The following MLXIPL variants were observed in gnomAD, a reference collection of about 807,000 sequenced individuals.
MLXIPL encodes the protein MLX interacting protein like, also known as carbohydrate-responsive element-binding protein.
In MLXIPL, 49 loss-of-function variants were observed where a neutral mutation model predicts 81.5. The ratio of observed to expected loss-of-function variants is 0.60; its 90% CI spans 0.48 to 0.76. The LOEUF is 0.76. MLXIPL is among the 30% of genes least tolerant of loss of function. The pLI, the probability that MLXIPL is intolerant of heterozygous loss-of-function variation, is 0.00. For synonymous variants in MLXIPL, 466 were observed against 485.5 expected, an observed-to-expected ratio of 0.96 and a Z score of 0.53; for missense variants, 1,053 against 1,167.0, an observed-to-expected ratio of 0.90 and a Z score of 1.42.
intron 6 of MLXIPL, 55 bp from the exon 7 acceptor site, chr7:73,605,823 C>T: frequency 6.3e-7 from 1 of 1,591,704 alleles, no homozygotes; most frequent in East Asian, 2.3e-5. Flanking sequence ...GCAGGGTCCC[C>T]ACCCCCATCC....
upstream of MLXIPL, among the ~76,000 whole-genome samples, chr7:73,625,234 C>T (rs575676689): frequency 6.6e-5 from 10 of 152,200 alleles, no homozygotes; most frequent in African/African-American, 2.2e-4. Flanking sequence ...GCCTCAGGAC[C>T]TGGGGTTTGT....
chr7:73,617,966 C>A (rs969031601), intron 1 of MLXIPL, among the ~76,000 whole-genome samples: 3 of 152,178 alleles, frequency 2.0e-5, no homozygotes, highest in African/African-American at 7.2e-5. Flanking sequence ...GGGTCTTAGA[C>A]CCCCTGCTAG....
intron 7 of MLXIPL, among the ~76,000 whole-genome samples, chr7:73,600,428 G>C (rs1228050838): frequency 3.7e-5 from 2 of 53,952 alleles, no homozygotes; most frequent in Non-Finnish European, 7.1e-5. Flanking sequence ...GGCAAGAGGG[G>C]CTAAGGGTGG....
At chr7:73,605,411 A>G (rs1276847931) in intron 7 of MLXIPL, among the ~76,000 whole-genome samples, 1 of 152,154 alleles carries the variant, frequency 6.6e-6, no homozygotes, top group Non-Finnish European at 1.5e-5. Context: ...TACAAAAAAA[A>G]TTAGCCGGGT....
chr7:73,617,100 C>G (rs540107269), intron 1 of MLXIPL, among the ~76,000 whole-genome samples: 3 of 152,218 alleles, frequency 2.0e-5, no homozygotes, highest in Non-Finnish European at 4.4e-5. Flanking sequence ...ACCACAACCT[C>G]CATCTCTTGG....
At position 73,606,928 on chromosome 7, in the gene MLXIPL, G is replaced by T. The variant is rs879996724; in HGVS notation, c.618+46C>A. Reference sequence around the variant, plus strand: ...GTCAACTCTGCCTCCCATCTACTTGGGGGGCAAAGGGATGCCCTTGCCTGC... The same window carrying T: ...GTCAACTCTGCCTCCCATCTACTTGTGGGGCAAAGGGATGCCCTTGCCTGC... On this transcript the variant is annotated intron_variant, in intron 5 of 16. Coordinates refer to ENST00000313375, the MANE Select transcript of MLXIPL (RefSeq NM_032951.3). 6 of 1,604,442 alleles carry T rather than the reference G, an allele frequency of 3.7e-6. No individual in the cohort carries two copies. The African/African-American group carries it at 4.0e-5, about 11-fold the overall frequency.
chr7:73,620,665 C>T (rs1796288759), intron 1 of MLXIPL, among the ~76,000 whole-genome samples: 1 of 151,582 alleles, frequency 6.6e-6, no homozygotes, highest in African/African-American at 2.4e-5. Flanking sequence ...TTGCTTGAAC[C>T]CGTTGGGTGG....
At chr7:73,617,516 A>T (rs1163306752) in intron 1 of MLXIPL, among the ~76,000 whole-genome samples, 4 of 152,134 alleles carry the variant, frequency 2.6e-5, no homozygotes, top group African/African-American at 9.7e-5. Flanking sequence ...TCATGGAGAC[A>T]GAGCACCCTC....
At chr7:73,616,044 C>A in intron 2 of MLXIPL, 27 bp downstream of exon 2, 1 of 1,584,970 alleles carries the variant, frequency 6.3e-7, no homozygotes, top group Non-Finnish European at 8.7e-7. Flanking sequence ...TCCCTCCCGG[C>A]TTGGGAGGCT....
intron 2 of MLXIPL, among the ~76,000 whole-genome samples, chr7:73,612,872 C>T (rs766054158): frequency 3.3e-5 from 5 of 152,102 alleles, no homozygotes; most frequent in Non-Finnish European, 5.9e-5. Context: ...GGACAGGACA[C>T]ATGGATGAAT....
chr7:73,624,710 GT>G, upstream of MLXIPL: 1 of 578,226 alleles, frequency 1.7e-6, no homozygotes, highest in Admixed American at 6.4e-5. Context: ...CTCCCTTCCC[GT>G]CTTTCCTTGG....
At chr7:73,634,805 T>TTTATTATTATTA in the MLXIPL span, among the ~76,000 whole-genome samples, 5,996 of 146,986 alleles carry the variant, frequency 0.041, 145 homozygotes, top group Non-Finnish European at 0.056. Context: ...TCTATATGTA[T>TTTATTATTATTA]TTATTATTAT....
chr7:73,597,904 C>A (rs1317412631), intron 8 of MLXIPL, among the ~76,000 whole-genome samples, 191 bp from the exon 9 acceptor site: 1 of 152,110 alleles, frequency 6.6e-6, no homozygotes, highest in Non-Finnish European at 1.5e-5. Flanking sequence ...AGGGAAATTA[C>A]AATGAGAGGA....
Position 73,616,122 on chromosome 7 carries a change from T to C in MLXIPL, c.349A>G (p.Arg117Gly). The change falls in exon 2 of 17, where the codon AGA becomes GGA. Residue 117 changes from arginine (R) to glycine (G), a missense_variant. This residue lies in a region of MLXIPL where 226 missense variants were observed against 216.2 expected (regional missense o/e 1.05). Transcript: ENST00000313375. The stretch of plus-strand genomic sequence containing the variant: ...GCGTTGTTCAGGCGGATCTTGTCTC[T>C]GCAGAGCAGCTTGAGGCCTTTGAAA... ...KNFKGLKLLCRDKIRLNNAIW... is the reference protein window; with the variant it reads ...KNFKGLKLLCGDKIRLNNAIW... 1 of 1,614,078 alleles carries C rather than the reference T, an allele frequency of 6.2e-7. No individual in the cohort carries two copies. Among genetic ancestry groups the C allele is most frequent in the Non-Finnish European group, 8.5e-7 (1 of 1,180,020 alleles).
chr7:73,630,292 T>TA, the MLXIPL span, among the ~76,000 whole-genome samples: 1 of 141,230 alleles, frequency 7.1e-6, no homozygotes, highest in South Asian at 2.4e-4. Context: ...TGTCTTTTTT[T>TA]TTTTTTTTTT....
Position 73,607,853 on chromosome 7 carries a change from C to CTT in MLXIPL, c.401-183_401-182dup, listed in dbSNP as rs1166806013. On this transcript the variant is annotated intron_variant, in intron 2 of 16. Transcript: ENST00000313375. ...TGATGCTCTAGCCTCCTAGATCTTCCTTTTTTTTTTTTTTTTTTTGGAGAT... is the reference window on the plus strand; with the variant it reads ...TGATGCTCTAGCCTCCTAGATCTTCCTTTTTTTTTTTTTTTTTTTTTGGAGAT... Among the ~76,000 whole-genome samples, 341 of 110,334 alleles carry CTT rather than the reference C, an allele frequency of 3.1e-3. 14 individuals carry two copies. The highest frequency in any genetic ancestry group is 0.012 in the African/African-American group (322 of 26,630). 72.4% of individuals were successfully genotyped at this position (110,334 alleles called of 152,430 possible). A position where few individuals can be genotyped will look rare whatever the true frequency, so the allele number is the denominator to read the frequency against.
At chr7:73,633,909 C>T in the MLXIPL span, among the ~76,000 whole-genome samples, 2 of 152,106 alleles carry the variant, frequency 1.3e-5, no homozygotes, top group South Asian at 2.1e-4. Flanking sequence ...CATCTAGGTG[C>T]GGGGACGAGG....
chr7:73,621,644 TCTCCTGGTACCGAGCCAACC>T (rs1796352347), intron 1 of MLXIPL, among the ~76,000 whole-genome samples: 1 of 150,218 alleles, frequency 6.7e-6, no homozygotes, highest in Non-Finnish European at 1.5e-5. Context: ...ATCTAGAAGC[TCTCCTGGTACCGAGCCAACC>T]CTCCATCTCC....
At chr7:73,614,974 C>A (rs1795923477) in intron 2 of MLXIPL, among the ~76,000 whole-genome samples, 1 of 152,102 alleles carries the variant, frequency 6.6e-6, no homozygotes, top group African/African-American at 2.4e-5. Context: ...CCACGCCCAG[C>A]TAATTTTTTG....
Sources: allele counts gnomAD v4.1 joint callset (sites outside exome capture counted in the v4.1 genomes callset), GRCh38; gene constraint gnomAD v4.1.1; regional missense constraint gnomAD v4.1.1; transcripts MANE v1.5; gene names NCBI Gene and HGNC (gene_info 2026-07-23, HGNC 2026-07-21).